The following LINGO2 variants were observed in gnomAD, a reference collection of about 807,000 sequenced individuals.
LINGO2 encodes leucine rich repeat and Ig domain containing 2.
LINGO2 carries 14 observed loss-of-function variants against 30.6 expected under a neutral mutation model. That is an observed-to-expected ratio of 0.46 (90% confidence interval 0.30 to 0.72). The LOEUF is 0.72. Ranked by LOEUF, LINGO2 falls within the 30% of genes least tolerant of loss-of-function variation. The pLI, the probability that LINGO2 is intolerant of heterozygous loss-of-function variation, is 0.07. For synonymous variants in LINGO2, 317 were observed against 288.5 expected, an observed-to-expected ratio of 1.10 and a Z score of -1.00; for missense variants, 729 against 751.7, an observed-to-expected ratio of 0.97 and a Z score of 0.35.
chr9:28,195,900 T>A (rs1041279785), intron 4 of LINGO2, among the ~76,000 whole-genome samples: 2 of 151,714 alleles, frequency 1.3e-5, no homozygotes, highest in Non-Finnish European at 3.0e-5. Flanking sequence ...TCTATATAAG[T>A]TATCAGCAAA....
At chr9:28,188,745 T>C (rs1819634992) in intron 4 of LINGO2, among the ~76,000 whole-genome samples, 1 of 152,154 alleles carries the variant, frequency 6.6e-6, no homozygotes, top group Non-Finnish European at 1.5e-5. Context: ...AGCACCTGCT[T>C]CTATATTCCC....
chr9:28,888,275 G>A, the LINGO2 span, among the ~76,000 whole-genome samples: 1 of 152,044 alleles, frequency 6.6e-6, no homozygotes, highest in Non-Finnish European at 1.5e-5. Flanking sequence ...TCAACCTTAT[G>A]TGGTTTCATG....
the LINGO2 span, among the ~76,000 whole-genome samples, chr9:28,720,169 T>G: frequency 6.6e-6 from 1 of 152,090 alleles, no homozygotes; most frequent in East Asian, 1.9e-4. Context: ...ACACTTAATT[T>G]GACATATATA....
intron 1 of LINGO2, among the ~76,000 whole-genome samples, chr9:28,576,013 G>A (rs915087278): frequency 6.6e-6 from 1 of 151,960 alleles, no homozygotes; most frequent in Non-Finnish European, 1.5e-5. Flanking sequence ...CTTACAATGG[G>A]GTTATGTACT....
intron 4 of LINGO2, among the ~76,000 whole-genome samples, chr9:28,044,755 G>A (rs577337538): frequency 2.2e-5 from 3 of 136,938 alleles, no homozygotes; most frequent in African/African-American, 8.0e-5. Flanking sequence ...GTTAGGGCAA[G>A]CAGGTGGGAA....
chr9:29,123,859 A>T, the LINGO2 span, among the ~76,000 whole-genome samples: 1 of 152,154 alleles, frequency 6.6e-6, no homozygotes, highest in Non-Finnish European at 1.5e-5. Context: ...AAGTAGGAAC[A>T]TAAATGAGAT....
intron 5 of LINGO2, among the ~76,000 whole-genome samples, chr9:27,988,368 A>G (rs1821227728): frequency 6.6e-6 from 1 of 152,034 alleles, no homozygotes; most frequent in Non-Finnish European, 1.5e-5. Context: ...TACACCCAGT[A>G]ATGGGATGGC....
chr9:28,557,039 A>G lies in LINGO2; in HGVS notation c.-364-81014T>C, dbSNP rs1028525272. Among the ~76,000 whole-genome samples, 15 of 151,736 alleles carry G rather than the reference A, an allele frequency of 9.9e-5. No homozygotes were observed. In the South Asian group the frequency reaches 2.1e-3, roughly 21 times the overall value. ...TTAAACGTTAGACCTAAAACCATAA[A>G]AACCCTAGAAGAAAACCTAGGCATT... is the stretch of plus-strand genomic sequence containing the variant. On this transcript the variant is annotated intron_variant, in intron 1 of 5. Transcript: ENST00000379992.
chr9:28,438,383 C>T (rs1024377505), intron 2 of LINGO2, among the ~76,000 whole-genome samples: 2 of 152,052 alleles, frequency 1.3e-5, no homozygotes, highest in African/African-American at 2.4e-5. Flanking sequence ...ATTTTCCTTC[C>T]GTCTTCTTGA....
intron 4 of LINGO2, among the ~76,000 whole-genome samples, chr9:28,233,061 T>TATATATATACAA (rs60875467): frequency 4.4e-4 from 52 of 118,814 alleles, no homozygotes; most frequent in Middle Eastern, 4.3e-3. Context: ...TATATATATA[T>TATATATATACAA]TAGATATATA....
At chr9:28,830,109 A>G in the LINGO2 span, among the ~76,000 whole-genome samples, 1 of 152,192 alleles carries the variant, frequency 6.6e-6, no homozygotes. Flanking sequence ...GAGTGCTACA[A>G]ACCCACAGAT....
chr9:28,605,292 G>T (rs1390384231), intron 1 of LINGO2, among the ~76,000 whole-genome samples: 2 of 151,306 alleles, frequency 1.3e-5, no homozygotes, highest in Admixed American at 1.3e-4. Flanking sequence ...TTTCATTGTG[G>T]TTACTAGAAA....
chr9:28,833,485 T>G, the LINGO2 span, among the ~76,000 whole-genome samples: 1 of 152,164 alleles, frequency 6.6e-6, no homozygotes, highest in Non-Finnish European at 1.5e-5. Context: ...TTTAATGATA[T>G]GTAATGGAAC....
the LINGO2 span, among the ~76,000 whole-genome samples, chr9:29,006,915 TA>T: frequency 6.6e-6 from 1 of 152,052 alleles, no homozygotes; most frequent in South Asian, 2.1e-4. Flanking sequence ...TGTGAAATGG[TA>T]ATGAAATGGT....
At chr9:28,181,444 T>G (rs573192860) in intron 4 of LINGO2, among the ~76,000 whole-genome samples, 1 of 152,254 alleles carries the variant, frequency 6.6e-6, no homozygotes, top group African/African-American at 2.4e-5. Flanking sequence ...GCCAGCAGCA[T>G]CCACATCCCC....
At chr9:28,396,572 C>T (rs900959381) in intron 2 of LINGO2, among the ~76,000 whole-genome samples, 13 of 151,782 alleles carry the variant, frequency 8.6e-5, no homozygotes, top group East Asian at 2.0e-4. Context: ...GGCATGGTGG[C>T]GGGCACTTGT....
chr9:29,174,299 G>A, the LINGO2 span, among the ~76,000 whole-genome samples: 1 of 152,138 alleles, frequency 6.6e-6, no homozygotes. Context: ...CTAAGGCACA[G>A]ATGATAAATA....
intron 1 of LINGO2, among the ~76,000 whole-genome samples, chr9:28,501,744 T>C (rs1819896099): frequency 6.6e-6 from 1 of 151,996 alleles, no homozygotes; most frequent in South Asian, 2.1e-4. Flanking sequence ...TTGAAAAACG[T>C]CTTTAGCAGA....
At chr9:28,088,212 A>T (rs1382599297) in intron 4 of LINGO2, among the ~76,000 whole-genome samples, 1 of 74,158 alleles carries the variant, frequency 1.3e-5, no homozygotes, top group Non-Finnish European at 2.9e-5. Context: ...ATACACACAC[A>T]CACACACACA....
Sources: allele counts gnomAD v4.1 joint callset (sites outside exome capture counted in the v4.1 genomes callset), GRCh38; gene constraint gnomAD v4.1.1; transcripts MANE v1.5; gene names NCBI Gene and HGNC (gene_info 2026-07-23, HGNC 2026-07-21).